CELF2: variants seen among roughly 807,000 people sequenced by gnomAD.
CELF2 encodes CUG triplet repeat RNA-binding protein 2.
CELF2 carries 8 observed loss-of-function variants against 62.6 expected under a neutral mutation model. The ratio of observed to expected loss-of-function variants is 0.13; its 90% confidence interval spans 0.07 to 0.23. The LOEUF (loss-of-function observed/expected upper bound fraction) is 0.23, where lower values mean the gene tolerates loss of function less well. CELF2 is among the 10% of genes least tolerant of loss of function. The probability of loss-of-function intolerance (pLI) is 1.00; values close to 1 mark genes in which losing one functional copy is unlikely to be tolerated. For synonymous variants in CELF2, 258 were observed against 250.0 expected (o/e 1.03, Z -0.30); for missense variants, 333 against 671.0 (o/e 0.50, Z 5.56).
the CELF2 span, among the ~76,000 whole-genome samples, chr10:10,468,692 A>C: frequency 6.6e-6 from 1 of 152,012 alleles, no homozygotes. Flanking sequence ...TTTCTTCACA[A>C]TTTGATGTGG....
intron 1 of CELF2, among the ~76,000 whole-genome samples, chr10:11,163,450 C>A (rs2066195382): frequency 6.6e-6 from 1 of 152,200 alleles, no homozygotes. Context: ...TGCCTCCACC[C>A]CGCTACAGCC....
In CELF2 at chr10:11,223,275, A is replaced by G. The variant is rs931245985; in HGVS notation, c.354+5768A>G. ...GGAGCTTCCTGAGCCATGAGGAAAC[A>G]TGCCTCAAAAGGCACTGTGTCTGCC... On this transcript the variant is annotated intron_variant, in intron 3 of 12. Coordinates refer to ENST00000633077, the MANE Select transcript of CELF2 (RefSeq NM_001326342.2). This position sits in a 1 kb window ranked among gnomAD's most constrained non-coding sequence, Gnocchi z 5.1. Among the ~76,000 whole-genome samples, 6 of 152,210 alleles carry G rather than the reference A, an allele frequency of 3.9e-5. No homozygotes were observed. The highest frequency in any genetic ancestry group is 1.2e-4 in the African/African-American group (5 of 41,448).
At chr10:10,738,488 C>T in the CELF2 span, among the ~76,000 whole-genome samples, 3 of 152,130 alleles carry the variant, frequency 2.0e-5, no homozygotes, top group African/African-American at 7.2e-5. Flanking sequence ...GGGCATGTAC[C>T]CTTGGTATGA....
intron 1 of CELF2, among the ~76,000 whole-genome samples, chr10:10,908,442 G>A (rs1425936317): frequency 3.3e-5 from 5 of 151,430 alleles, no homozygotes; most frequent in South Asian, 2.1e-4. Context: ...GGATGGTCTC[G>A]ATCTCCTGAA....
At chr10:11,071,928 G>A (rs976793358) in intron 1 of CELF2, among the ~76,000 whole-genome samples, 1 of 152,184 alleles carries the variant, frequency 6.6e-6, no homozygotes. Flanking sequence ...AGGAAAACTG[G>A]ATGGAAGTCA....
chr10:11,204,589 AC>A (rs1162080748), intron 2 of CELF2, among the ~76,000 whole-genome samples: 2 of 152,206 alleles, frequency 1.3e-5, no homozygotes, highest in African/African-American at 4.8e-5. Flanking sequence ...GGTAGCAGCC[AC>A]CCGCAGAGAG....
In CELF2 at chr10:11,197,016, GAA is replaced by G. The variant is rs775416278; in HGVS notation, c.272-20407_272-20406del. Among the ~76,000 whole-genome samples the G allele has an allele frequency of 3.3e-3, 40 of 12,162 alleles. 10 individuals are homozygous for G. Among genetic ancestry groups the G allele is most frequent in the Middle Eastern group, 0.029 (1 of 34 alleles). The allele number at this position is 12,162 out of a possible 152,430, so 8.0% of individuals were successfully genotyped here. On this transcript the variant is annotated intron_variant, in intron 2 of 12. Transcript: ENST00000633077. ...AAGGAAGGAAGGAGAAAGAAAGAAA[GAA>G]AGAAAGAAAAGAAAGAAAGAAAGAA...
At chr10:11,047,475 G>A (rs1382296889) in intron 1 of CELF2, among the ~76,000 whole-genome samples, 1 of 152,174 alleles carries the variant, frequency 6.6e-6, no homozygotes, top group Non-Finnish European at 1.5e-5. Context: ...GTATGGAAGA[G>A]AGCGATTTCT....
At chr10:11,174,833 T>C (rs944449939) in intron 2 of CELF2, among the ~76,000 whole-genome samples, 26 of 152,196 alleles carry the variant, frequency 1.7e-4, no homozygotes, top group Non-Finnish European at 1.5e-5. Flanking sequence ...CTTCCCAAAC[T>C]ACTATAGTTT....
At chr10:10,571,482 A>C in the CELF2 span, among the ~76,000 whole-genome samples, 7 of 152,206 alleles carry the variant, frequency 4.6e-5, no homozygotes, top group African/African-American at 1.7e-4. Flanking sequence ...AAGTATTGGC[A>C]AATAGGCTTT....
At chr10:10,677,882 G>C in the CELF2 span, among the ~76,000 whole-genome samples, 2 of 152,150 alleles carry the variant, frequency 1.3e-5, no homozygotes, top group African/African-American at 4.8e-5. Flanking sequence ...GATTATTTAG[G>C]ACTATATGAA....
the CELF2 span, among the ~76,000 whole-genome samples, chr10:10,561,114 T>G: frequency 1.3e-5 from 2 of 152,136 alleles, no homozygotes; most frequent in Non-Finnish European, 2.9e-5. Context: ...AAATATCCAC[T>G]AAAGAACTTA....
the CELF2 span, among the ~76,000 whole-genome samples, chr10:10,576,347 T>G: frequency 6.6e-6 from 1 of 152,194 alleles, no homozygotes; most frequent in African/African-American, 2.4e-5. Context: ...TTAAATAAGA[T>G]GCAGTCCAAT....
intron 3 of CELF2, among the ~76,000 whole-genome samples, chr10:11,234,495 A>G (rs113340110): frequency 7.2e-5 from 11 of 152,256 alleles, no homozygotes; most frequent in African/African-American, 2.6e-4. Flanking sequence ...ATCCTAGCTA[A>G]CACGGTGAAA....
chr10:10,795,387 A>G (rs2054084383), upstream of CELF2, among the ~76,000 whole-genome samples: 1 of 152,176 alleles, frequency 6.6e-6, no homozygotes, highest in African/African-American at 2.4e-5. Flanking sequence ...AACTCTTACA[A>G]TTTATAGAGT....
intron 3 of CELF2, among the ~76,000 whole-genome samples, chr10:11,240,017 A>G (rs1340526755): frequency 6.6e-6 from 1 of 152,238 alleles, no homozygotes; most frequent in Non-Finnish European, 1.5e-5. Flanking sequence ...ATGCCATTGC[A>G]TTACAGCCTG....
At chr10:10,487,586 G>C in the CELF2 span, among the ~76,000 whole-genome samples, 1 of 151,860 alleles carries the variant, frequency 6.6e-6, no homozygotes, top group South Asian at 2.1e-4. Context: ...CCTGTGAAAA[G>C]AAAAAAATGC....
chr10:11,215,293 TCA>T (rs1404407548), intron 2 of CELF2, among the ~76,000 whole-genome samples: 1 of 152,208 alleles, frequency 6.6e-6, no homozygotes, highest in African/African-American at 2.4e-5. Flanking sequence ...CACAGCTGGC[TCA>T]CACAGAAGTG....
chr10:10,651,546 C>T, the CELF2 span, among the ~76,000 whole-genome samples: 110 of 128,936 alleles, frequency 8.5e-4, 9 homozygotes, highest in African/African-American at 2.8e-3. Flanking sequence ...ACTGCCTCCT[C>T]AAGTGGGTCC....
Sources: allele counts gnomAD v4.1 joint callset (sites outside exome capture counted in the v4.1 genomes callset), GRCh38; gene constraint gnomAD v4.1.1; non-coding constraint Gnocchi (gnomAD v3.1); transcripts MANE v1.5; gene names NCBI Gene and HGNC (gene_info 2026-07-23, HGNC 2026-07-21).